The following RNF144A variants were observed in gnomAD, a reference collection of about 807,000 sequenced individuals.
RNF144A encodes the protein ring finger protein 144A, also known as E3 ubiquitin-protein ligase RNF144A.
RNF144A carries 11 observed loss-of-function variants against 38.7 expected under a neutral mutation model. The observed-to-expected ratio is 0.28, with a 90% CI of 0.18 to 0.47. RNF144A has a LOEUF of 0.47. Ranked by LOEUF, RNF144A falls within the 20% of genes least tolerant of loss-of-function variation. The pLI is 0.99. For missense variants in RNF144A, 316 were observed against 377.2 expected, an observed-to-expected ratio of 0.84 and a Z score of 1.34; for synonymous variants, 149 against 143.9, an observed-to-expected ratio of 1.04 and a Z score of -0.25.
In RNF144A at chr2:7,041,986, C is replaced by T. The variant is rs540286240; in HGVS notation, c.*2226C>T. On this transcript the variant is annotated 3_prime_UTR_variant, in exon 9 of 9. Coordinates refer to ENST00000320892, the MANE Select transcript of RNF144A (RefSeq NM_014746.6). Reference sequence around the variant, plus strand: ...TCACCTCTGATGTGTTTCACAAGCACGTAGTTCAACCCAGATAGGGACCAC... The same window carrying T: ...TCACCTCTGATGTGTTTCACAAGCATGTAGTTCAACCCAGATAGGGACCAC... The T allele has an allele frequency of 1.6e-4, 156 of 985,432 alleles. No individual in the cohort carries two copies. Among genetic ancestry groups the T allele is most frequent in the Middle Eastern group, 5.2e-4 (1 of 1,916 alleles). 61.0% of individuals were successfully genotyped at this position (985,432 alleles called of 1,614,324 possible).
In RNF144A at chr2:7,040,835, T is replaced by A; in HGVS notation, c.*1075T>A. ...AGTCATTTTGAGAAATCATATATCT[T>A]ACACAGTTCCAAGTCCTGTTGCTAA... On this transcript the variant is annotated 3_prime_UTR_variant, in exon 9 of 9. Transcript: ENST00000320892. 1.0e-6 allele frequency: 1 copy of A among 985,476 alleles called. No homozygotes were observed. The highest frequency in any genetic ancestry group is 1.2e-6 in the Non-Finnish European group (1 of 829,934). 61.0% of individuals were successfully genotyped at this position (985,476 alleles called of 1,614,324 possible).
chr2:7,031,230 C>T (rs1333884889), intron 8 of RNF144A, among the ~76,000 whole-genome samples: 1 of 152,126 alleles, frequency 6.6e-6, no homozygotes, highest in East Asian at 1.9e-4. Flanking sequence ...GATAAAGGAC[C>T]CTCGTGTTGG....
chr2:7,026,970 G>A (rs999537413), intron 7 of RNF144A, among the ~76,000 whole-genome samples: 2 of 152,222 alleles, frequency 1.3e-5, no homozygotes, highest in Non-Finnish European at 2.9e-5. Context: ...GGATGTGAAG[G>A]AGAGGGAGTC....
chr2:6,983,249 G>C (rs1668749122), intron 2 of RNF144A, among the ~76,000 whole-genome samples: 1 of 152,146 alleles, frequency 6.6e-6, no homozygotes, highest in Non-Finnish European at 1.5e-5. Flanking sequence ...GAATTTAAAG[G>C]CTCCAGTTTT....
At chr2:6,920,038 T>G (rs1397289596) in intron 1 of RNF144A, among the ~76,000 whole-genome samples, 1 of 152,236 alleles carries the variant, frequency 6.6e-6, no homozygotes, top group Non-Finnish European at 1.5e-5. Flanking sequence ...GGTTTGGGAC[T>G]TTGAAGGGAC....
intron 2 of RNF144A, among the ~76,000 whole-genome samples, chr2:6,983,751 G>A (rs1196999658): frequency 3.3e-5 from 5 of 152,082 alleles, no homozygotes; most frequent in Non-Finnish European, 5.9e-5. Context: ...GGGGGACTCG[G>A]TGTTCCCACA....
At chr2:7,031,677 C>T (rs1314896698) in intron 8 of RNF144A, among the ~76,000 whole-genome samples, 1 of 152,254 alleles carries the variant, frequency 6.6e-6, no homozygotes, top group Admixed American at 6.5e-5. Context: ...AGTCTCAAGG[C>T]AGTTGCCAGG....
At chr2:6,919,545 G>C (rs550682711) in intron 1 of RNF144A, among the ~76,000 whole-genome samples, 1 of 152,084 alleles carries the variant, frequency 6.6e-6, no homozygotes, top group African/African-American at 2.4e-5. Context: ...GGAGGAGGAG[G>C]GTGATCTGAG....
At chr2:6,996,879 T>G (rs1376694374) in intron 2 of RNF144A, 37 bp from the exon 3 acceptor site, 1 of 1,597,392 alleles carries the variant, frequency 6.3e-7, no homozygotes. Context: ...ATGCCAGGGG[T>G]GGGGAGGTCT....
intron 1 of RNF144A, among the ~76,000 whole-genome samples, chr2:6,932,611 C>T (rs1665273468): frequency 6.6e-6 from 1 of 152,120 alleles, no homozygotes; most frequent in African/African-American, 2.4e-5. Context: ...TCTACTATAA[C>T]AAGCTTCTCA....
At chr2:7,044,952 T>G (rs894038264), downstream of RNF144A, among the ~76,000 whole-genome samples, 1 of 152,200 alleles carries the variant, frequency 6.6e-6, no homozygotes, top group Non-Finnish European at 1.5e-5. Context: ...AGTCAGTCAA[T>G]TATCATAAGA....
chr2:7,058,642 AT>A (rs1287948786), intron 6 of RNF144A, among the ~76,000 whole-genome samples: 9 of 152,162 alleles, frequency 5.9e-5, no homozygotes, highest in African/African-American at 1.9e-4. Context: ...AGAGTTAACA[AT>A]TTTTTATATC....
chr2:6,953,854 G>A (rs1429064259), intron 2 of RNF144A, among the ~76,000 whole-genome samples: 5 of 152,072 alleles, frequency 3.3e-5, no homozygotes, highest in African/African-American at 9.7e-5. Context: ...TTCTCAGTGC[G>A]TTGGTGTACT....
the RNF144A span, among the ~76,000 whole-genome samples, chr2:7,073,881 G>C: frequency 6.6e-6 from 1 of 152,222 alleles, no homozygotes; most frequent in Non-Finnish European, 1.5e-5. Flanking sequence ...GGGCATAGGG[G>C]AGGCCCACTT....
intron 3 of RNF144A, among the ~76,000 whole-genome samples, chr2:7,012,103 C>T (rs890154978): frequency 2.6e-5 from 4 of 152,254 alleles, no homozygotes; most frequent in East Asian, 1.9e-4. Context: ...TCTTCAGCAT[C>T]GTATATTGGT....
intron 2 of RNF144A, among the ~76,000 whole-genome samples, chr2:6,974,046 C>G (rs1008025244): frequency 6.6e-6 from 1 of 151,548 alleles, no homozygotes; most frequent in African/African-American, 2.4e-5. Flanking sequence ...TCTGGAGGAT[C>G]TAGATTTTTA....
chr2:6,961,580 T>C (rs74848184), intron 2 of RNF144A, among the ~76,000 whole-genome samples: 1,630 of 152,322 alleles, frequency 0.011, 33 homozygotes, highest in African/African-American at 0.037. Flanking sequence ...ATTTATATTT[T>C]ATTTCAAGAG....
chr2:7,028,496 A>C (rs1015685196), intron 7 of RNF144A, among the ~76,000 whole-genome samples: 1 of 152,176 alleles, frequency 6.6e-6, no homozygotes, highest in Non-Finnish European at 1.5e-5. Context: ...AGGCTTGTCC[A>C]TGTCTGCTCG....
intron 2 of RNF144A, among the ~76,000 whole-genome samples, chr2:6,953,017 G>T (rs1194725337): frequency 1.3e-5 from 2 of 151,956 alleles, no homozygotes; most frequent in African/African-American, 4.8e-5. Flanking sequence ...TTTGTTACAG[G>T]TCTTCTTTTG....
Sources: allele counts gnomAD v4.1 joint callset (sites outside exome capture counted in the v4.1 genomes callset), GRCh38; gene constraint gnomAD v4.1.1; transcripts MANE v1.5; gene names NCBI Gene and HGNC (gene_info 2026-07-23, HGNC 2026-07-21).